HS6ST3: variants seen among roughly 807,000 people sequenced by gnomAD.
HS6ST3 encodes the protein heparan sulfate 6-O-sulfotransferase 3.
A neutral mutation model predicts 36.7 loss-of-function variants in HS6ST3; 12 were observed. The observed-to-expected ratio is 0.33, with a 90% CI of 0.21 to 0.53. The LOEUF (loss-of-function observed/expected upper bound fraction) is 0.53, where lower values mean the gene tolerates loss of function less well. HS6ST3 is among the 20% of genes least tolerant of loss of function. HS6ST3 has a pLI of 0.95. For missense variants in HS6ST3, 584 were observed against 640.9 expected (o/e 0.91, Z 0.96); for synonymous variants, 240 against 257.5 (o/e 0.93, Z 0.65).
chr13:96,777,573 A>T (rs1877420192), intron 1 of HS6ST3, among the ~76,000 whole-genome samples: 1 of 152,212 alleles, frequency 6.6e-6, no homozygotes, highest in South Asian at 2.1e-4. Flanking sequence ...TCCCATTCAC[A>T]ATTGCTACAA....
intron 1 of HS6ST3, among the ~76,000 whole-genome samples, chr13:96,684,410 A>G (rs1197637751): frequency 2.6e-5 from 4 of 152,064 alleles, no homozygotes; most frequent in Non-Finnish European, 5.9e-5. Flanking sequence ...GACACCATCC[A>G]ACACTTTTGA....
At chr13:96,346,431 G>A (rs943470878) in intron 1 of HS6ST3, among the ~76,000 whole-genome samples, 4 of 151,896 alleles carry the variant, frequency 2.6e-5, no homozygotes, top group African/African-American at 9.7e-5. Context: ...AAAATTAGCC[G>A]GGCGTGGTGG....
chr13:96,744,698 A>G (rs1428321408), intron 1 of HS6ST3, among the ~76,000 whole-genome samples: 1 of 152,096 alleles, frequency 6.6e-6, no homozygotes, highest in African/African-American at 2.4e-5. Flanking sequence ...TTGCATAAGC[A>G]AATGCACTGC....
intron 1 of HS6ST3, among the ~76,000 whole-genome samples, chr13:96,492,329 G>A (rs922782184): frequency 6.6e-6 from 1 of 152,168 alleles, no homozygotes; most frequent in Non-Finnish European, 1.5e-5. Context: ...AGCATCTTAC[G>A]TTACTTCAAA....
At chr13:96,553,771 G>A (rs2056229023) in intron 1 of HS6ST3, among the ~76,000 whole-genome samples, 1 of 152,178 alleles carries the variant, frequency 6.6e-6, no homozygotes, top group Non-Finnish European at 1.5e-5. Flanking sequence ...TACAATGAAG[G>A]AGGTGCTTAG....
intron 1 of HS6ST3, chr13:96,573,768 C>A: frequency 2.8e-6 from 1 of 353,100 alleles, no homozygotes; most frequent in Non-Finnish European, 5.5e-6. Flanking sequence ...AGGACCTCTT[C>A]AAAACTGCCA....
intron 1 of HS6ST3, among the ~76,000 whole-genome samples, chr13:96,616,683 C>A (rs1466227341): frequency 6.6e-6 from 1 of 152,168 alleles, no homozygotes; most frequent in Non-Finnish European, 1.5e-5. Flanking sequence ...AAAATAGTTT[C>A]ATGAACCCAA....
chr13:96,140,506 C>T (rs979234762), intron 1 of HS6ST3, among the ~76,000 whole-genome samples: 1 of 152,126 alleles, frequency 6.6e-6, no homozygotes, highest in African/African-American at 2.4e-5. Flanking sequence ...TGTAATGGCA[C>T]TAGTGATGCT....
At chr13:96,487,289 G>A (rs2055920132) in intron 1 of HS6ST3, among the ~76,000 whole-genome samples, 1 of 152,094 alleles carries the variant, frequency 6.6e-6, no homozygotes, top group African/African-American at 2.4e-5. Flanking sequence ...GGCAAGGCAG[G>A]ACCCTCTTGC....
At chr13:96,535,932 A>G (rs908210296) in intron 1 of HS6ST3, among the ~76,000 whole-genome samples, 6 of 152,204 alleles carry the variant, frequency 3.9e-5, no homozygotes, top group African/African-American at 1.4e-4. Context: ...AATAATTTAA[A>G]GTGTTACTAA....
intron 1 of HS6ST3, among the ~76,000 whole-genome samples, chr13:96,641,199 C>T (rs1288236863): frequency 1.3e-5 from 2 of 151,720 alleles, no homozygotes; most frequent in Non-Finnish European, 3.0e-5. Context: ...ATTTCATCAG[C>T]ATTTTAAATT....
chr13:96,288,428 G>A (rs983250075), intron 1 of HS6ST3, among the ~76,000 whole-genome samples: 16 of 152,114 alleles, frequency 1.1e-4, no homozygotes, highest in Admixed American at 5.9e-4. Context: ...ATCTGAGAAT[G>A]CTGTAATATA....
chr13:96,357,143 G>A (rs1256589933), intron 1 of HS6ST3, among the ~76,000 whole-genome samples: 1 of 152,194 alleles, frequency 6.6e-6, no homozygotes, highest in East Asian at 1.9e-4. Context: ...TGTCTTAAGG[G>A]AATGTTGTGG....
At chr13:96,805,269 G>A (rs1878170652) in intron 1 of HS6ST3, among the ~76,000 whole-genome samples, 2 of 152,208 alleles carry the variant, frequency 1.3e-5, no homozygotes, top group African/African-American at 4.8e-5. Context: ...CTGTTCTTGT[G>A]ATAGTGAGTT....
chr13:96,273,952 CCTT>C (rs1482793976), intron 1 of HS6ST3, among the ~76,000 whole-genome samples: 1 of 105,046 alleles, frequency 9.5e-6, no homozygotes, highest in Non-Finnish European at 1.9e-5. Flanking sequence ...TCCCTCCCTT[CCTT>C]CCTTCCTCCC....
intron 1 of HS6ST3, among the ~76,000 whole-genome samples, chr13:96,804,961 A>G (rs1878161369): frequency 6.6e-6 from 1 of 152,222 alleles, no homozygotes; most frequent in Admixed American, 6.5e-5. Flanking sequence ...CTTGTTTCAC[A>G]AAGGTTGTAA....
chr13:96,249,123 C>A (rs78623143), intron 1 of HS6ST3, among the ~76,000 whole-genome samples: 718 of 152,248 alleles, frequency 4.7e-3, no homozygotes, highest in Non-Finnish European at 7.2e-3. Flanking sequence ...TTTGGGGAGA[C>A]AAAGCTGAGT....
At chr13:96,415,756 A>G (rs1594775284) in intron 1 of HS6ST3, among the ~76,000 whole-genome samples, 1 of 152,218 alleles carries the variant, frequency 6.6e-6, no homozygotes, top group East Asian at 1.9e-4. Flanking sequence ...ATGAACTGGA[A>G]CAGGTGGGTA....
intron 1 of HS6ST3, among the ~76,000 whole-genome samples, chr13:96,109,817 C>A (rs1344567313): frequency 2.6e-5 from 4 of 152,112 alleles, no homozygotes; most frequent in African/African-American, 7.2e-5. Flanking sequence ...TATGGCATGT[C>A]CTGGGCAATG....
Sources: gnomAD v4.1 joint callset for allele counts (sites outside exome capture counted in the v4.1 genomes callset) on GRCh38, gnomAD v4.1.1 for gene constraint, MANE v1.5 for transcripts, NCBI Gene and HGNC (gene_info 2026-07-23, HGNC 2026-07-21) for gene names.